Variants in SIL1 observed in about 807,000 individuals in gnomAD.
The protein encoded by SIL1 is SIL1 nucleotide exchange factor.
In SIL1, 40 loss-of-function variants were observed where a neutral mutation model predicts 49.1. The ratio of observed to expected loss-of-function variants is 0.81; its 90% CI spans 0.63 to 1.06. The LOEUF is 1.06. Among genes scored for constraint, SIL1 ranks in the 50% least tolerant of loss-of-function variants. SIL1 has a pLI of 0.00. For missense variants in SIL1, 500 were observed against 572.6 expected (o/e 0.87, Z 1.29); for synonymous variants, 253 against 250.8 (o/e 1.01, Z -0.08).
intron 3 of SIL1, among the ~76,000 whole-genome samples, chr5:139,100,462 A>G (rs1028452255): frequency 6.6e-6 from 1 of 152,216 alleles, no homozygotes; most frequent in East Asian, 1.9e-4. Context: ...CAGGCCAAAG[A>G]AGGAGCTAAC....
intron 1 of SIL1, among the ~76,000 whole-genome samples, chr5:139,168,166 T>C (rs1751661736): frequency 6.6e-6 from 1 of 152,220 alleles, no homozygotes; most frequent in Admixed American, 6.5e-5. Context: ...TGGTAGGCTA[T>C]ACCATCTAGG....
chr5:139,102,708 CTTTTTTTT>C (rs66644479), intron 3 of SIL1, among the ~76,000 whole-genome samples: 1 of 137,996 alleles, frequency 7.2e-6, no homozygotes, highest in Non-Finnish European at 1.6e-5. Flanking sequence ...CTGCTTTTTT[CTTTTTTTT>C]TTTTTTTGTT....
intron 7 of SIL1, among the ~76,000 whole-genome samples, chr5:138,989,035 A>G (rs1767700780): frequency 6.6e-6 from 1 of 152,236 alleles, no homozygotes; most frequent in Non-Finnish European, 1.5e-5. Context: ...GGTTGCCTTG[A>G]GGCAGGGAAG....
chr5:139,080,018 TAAAC>T (rs1245600530), intron 3 of SIL1, among the ~76,000 whole-genome samples: 1 of 152,046 alleles, frequency 6.6e-6, no homozygotes, highest in Non-Finnish European at 1.5e-5. Context: ...CTTCTGATCT[TAAAC>T]AAAATAATTT....
intron 3 of SIL1, among the ~76,000 whole-genome samples, chr5:139,077,017 C>T (rs1769966936): frequency 6.6e-6 from 1 of 152,130 alleles, no homozygotes; most frequent in South Asian, 2.1e-4. Flanking sequence ...ACCTGTAAAC[C>T]CAGCTATTTG....
intron 1 of SIL1, among the ~76,000 whole-genome samples, chr5:139,152,142 G>A (rs756616965): frequency 2.6e-5 from 4 of 152,170 alleles, no homozygotes; most frequent in South Asian, 2.1e-4. Flanking sequence ...TGGGCCGTGC[G>A]TCTAAGATCA....
intron 7 of SIL1, among the ~76,000 whole-genome samples, chr5:138,956,659 C>G (rs1766909073): frequency 6.6e-6 from 1 of 151,622 alleles, no homozygotes; most frequent in South Asian, 2.1e-4. Flanking sequence ...AGGAGAATCG[C>G]TTGAACCCAG....
chr5:139,101,304 T>C (rs944227844), intron 3 of SIL1, among the ~76,000 whole-genome samples: 1 of 152,176 alleles, frequency 6.6e-6, no homozygotes, highest in East Asian at 1.9e-4. Context: ...GAAAACCCTT[T>C]ATACTCCACC....
intron 7 of SIL1, among the ~76,000 whole-genome samples, chr5:138,964,231 G>A (rs558614593): frequency 6.6e-5 from 10 of 152,300 alleles, no homozygotes; most frequent in East Asian, 5.8e-4. Flanking sequence ...TACTGATCAC[G>A]CCCAGTGTGC....
intron 6 of SIL1, among the ~76,000 whole-genome samples, chr5:139,024,450 A>G (rs937689918): frequency 2.6e-5 from 4 of 152,204 alleles, no homozygotes; most frequent in Admixed American, 2.0e-4. Flanking sequence ...CATAATTCCT[A>G]TGGATACAGT....
intron 1 of SIL1, among the ~76,000 whole-genome samples, chr5:139,164,925 G>C (rs1370591707): frequency 1.3e-5 from 2 of 152,140 alleles, no homozygotes; most frequent in African/African-American, 4.8e-5. Context: ...TAACAAGGAA[G>C]AAAATAAAAA....
intron 1 of SIL1, among the ~76,000 whole-genome samples, chr5:139,165,712 C>T (rs1212159101): frequency 6.6e-6 from 1 of 151,978 alleles, no homozygotes; most frequent in Non-Finnish European, 1.5e-5. Flanking sequence ...GGCTGGAATA[C>T]AGTGACACGA....
At chr5:139,137,398 C>T (rs992609955) in intron 1 of SIL1, 12 of 701,382 alleles carry the variant, frequency 1.7e-5, no homozygotes, top group South Asian at 1.6e-4. Context: ...CAAAGCCATG[C>T]TCTTTCCATA....
At chr5:138,976,195 C>T (rs1316624564) in intron 7 of SIL1, among the ~76,000 whole-genome samples, 4 of 152,256 alleles carry the variant, frequency 2.6e-5, no homozygotes, top group South Asian at 4.1e-4. Context: ...AAAATATTCA[C>T]GATGCCCATA....
At chr5:138,974,363 C>T (rs1375476340) in intron 7 of SIL1, among the ~76,000 whole-genome samples, 2 of 152,234 alleles carry the variant, frequency 1.3e-5, no homozygotes, top group Non-Finnish European at 2.9e-5. Context: ...TTTGGGCCTG[C>T]TCTACAGCCT....
intron 1 of SIL1, among the ~76,000 whole-genome samples, chr5:139,195,550 G>A (rs1752250923): frequency 1.3e-5 from 2 of 152,090 alleles, no homozygotes; most frequent in South Asian, 2.1e-4. Flanking sequence ...ACCTCGCCCG[G>A]GTAATTTTTT....
intron 7 of SIL1, among the ~76,000 whole-genome samples, chr5:139,002,246 T>A (rs1476898494): frequency 6.6e-6 from 1 of 151,736 alleles, no homozygotes; most frequent in Non-Finnish European, 1.5e-5. Flanking sequence ...CACACCAAAT[T>A]CAGAACAGTG....
chr5:139,092,416 A>G (rs1333855704), intron 3 of SIL1, among the ~76,000 whole-genome samples: 3 of 152,254 alleles, frequency 2.0e-5, no homozygotes, highest in East Asian at 3.8e-4. Flanking sequence ...TGATATTTAA[A>G]TCGTTTTAAG....
rs1766785582 is a variant in SIL1 at position 138,951,818 on chromosome 5, G to A, written c.834C>T (p.Ala278=). The change falls in exon 8 of 10, where the codon GCC becomes GCT. Residue 278 remains alanine (A), a synonymous_variant. Transcript: ENST00000394817. ...TCTTTGCAGTGAGCGGCTGCTCCGT[G>A]GCCAGGATGACCAGCAGCTTCTGCA... ...GALQKLLVIL[A]TEQPLTAKKK... 1.2e-6 allele frequency: 2 copies of A among 1,613,992 alleles called. No individual in the cohort carries two copies. Among genetic ancestry groups the A allele is most frequent in the African/African-American group, 2.7e-5 (2 of 74,930 alleles).
Sources: gnomAD v4.1 joint callset for allele counts (sites outside exome capture counted in the v4.1 genomes callset) on GRCh38, gnomAD v4.1.1 for gene constraint, MANE v1.5 for transcripts, NCBI Gene and HGNC (gene_info 2026-07-23, HGNC 2026-07-21) for gene names.